The following VPS13B variants were observed in gnomAD, a reference collection of about 807,000 sequenced individuals.
VPS13B encodes vacuolar protein sorting 13 homolog B, also known as intermembrane lipid transfer protein VPS13B.
Under a neutral mutation model 426.4 loss-of-function variants are expected in VPS13B, and 285 were observed. That is an observed-to-expected ratio of 0.67 (90% confidence interval 0.61 to 0.74). The LOEUF is 0.74. VPS13B is among the 30% of genes least tolerant of loss of function. The pLI, the probability that VPS13B is intolerant of heterozygous loss-of-function variation, is 0.00. For missense variants in VPS13B, 4,537 were observed against 4,782.6 expected (o/e 0.95, Z 1.51); for synonymous variants, 1,676 against 1,676.4 (o/e 1.00, Z 0.01).
In VPS13B at chr8:99,819,551, A is replaced by G. The variant is rs1186055300; in HGVS notation, c.8761A>G (p.Ile2921Val). The change falls in exon 48 of 62, where the codon ATA becomes GTA. Residue 2921 changes from isoleucine to valine, a missense_variant. By Grantham distance (29) the Ile-to-Val change is conservative (BLOSUM62 3). Coordinates refer to ENST00000357162, the MANE Select transcript of VPS13B (RefSeq NM_152564.5). ...FYGPEKSLQP[I>V]WPYNKKDSDR... ...TGGGCCAGAAAAGTCGCTTCAACCC[A>G]TATGGCCCTATAATAAGAAGGATTC... 4 of 1,613,634 alleles carry G rather than the reference A, an allele frequency of 2.5e-6. No individual in the cohort carries two copies. Among genetic ancestry groups the G allele is most frequent in the Middle Eastern group, 1.6e-4 (1 of 6,078 alleles).
chr8:99,179,920 T>G (rs745622056), intron 16 of VPS13B, among the ~76,000 whole-genome samples: 4 of 152,170 alleles, frequency 2.6e-5, no homozygotes, highest in Non-Finnish European at 4.4e-5. Context: ...ACATTATACA[T>G]GCAAAACTTA....
chr8:99,286,335 G>A (rs1051175783), intron 19 of VPS13B, among the ~76,000 whole-genome samples: 4 of 152,186 alleles, frequency 2.6e-5, no homozygotes, highest in Non-Finnish European at 5.9e-5. Flanking sequence ...ATTTTTAAAT[G>A]TAAAATCATA....
intron 17 of VPS13B, among the ~76,000 whole-genome samples, chr8:99,264,003 T>C (rs1164929816): frequency 6.6e-6 from 1 of 152,206 alleles, no homozygotes; most frequent in Non-Finnish European, 1.5e-5. Context: ...AGTTAGAATA[T>C]GCTACCAATT....
intron 19 of VPS13B, among the ~76,000 whole-genome samples, chr8:99,350,551 G>A (rs539567879): frequency 6.6e-6 from 1 of 152,280 alleles, no homozygotes; most frequent in South Asian, 2.1e-4. Flanking sequence ...TCAGGATTTA[G>A]TGATGCTGTT....
chr8:99,374,465 T>A (rs1007854939), intron 19 of VPS13B, among the ~76,000 whole-genome samples: 3 of 152,160 alleles, frequency 2.0e-5, no homozygotes, highest in Non-Finnish European at 2.9e-5. Context: ...TTATTAGAGT[T>A]GTTTTAAAGT....
chr8:99,202,015 C>T (rs1221509412), intron 17 of VPS13B, among the ~76,000 whole-genome samples: 1 of 152,144 alleles, frequency 6.6e-6, no homozygotes, highest in Non-Finnish European at 1.5e-5. Context: ...TGGGCTTAAT[C>T]TGTTGTTCTT....
intron 33 of VPS13B, among the ~76,000 whole-genome samples, chr8:99,635,826 T>G (rs2133919602): frequency 6.6e-6 from 1 of 152,130 alleles, no homozygotes; most frequent in South Asian, 2.1e-4. Flanking sequence ...ATTAGTTTAA[T>G]GCATTCCTTG....
intron 29 of VPS13B, among the ~76,000 whole-genome samples, chr8:99,513,894 G>A (rs1821920273): frequency 6.6e-6 from 1 of 152,126 alleles, no homozygotes; most frequent in African/African-American, 2.4e-5. Context: ...TTCTGAGTCA[G>A]ACATAGCGGC....
intron 30 of VPS13B, among the ~76,000 whole-genome samples, chr8:99,551,407 T>C (rs1824276793): frequency 6.6e-6 from 1 of 152,030 alleles, no homozygotes; most frequent in African/African-American, 2.4e-5. Flanking sequence ...AAAAACAGAA[T>C]ATTGATTGAT....
intron 5 of VPS13B, among the ~76,000 whole-genome samples, chr8:99,109,685 G>T (rs978591548): frequency 3.3e-5 from 5 of 152,094 alleles, no homozygotes; most frequent in Non-Finnish European, 7.4e-5. Flanking sequence ...GGCCTGAATA[G>T]CTTACATTCT....
chr8:99,036,643 A>G (rs1292983247), intron 2 of VPS13B, among the ~76,000 whole-genome samples: 1 of 152,092 alleles, frequency 6.6e-6, no homozygotes, highest in Non-Finnish European at 1.5e-5. Context: ...TAGCATTCTG[A>G]TGATACTAAG....
intron 33 of VPS13B, among the ~76,000 whole-genome samples, chr8:99,584,699 G>A (rs980027412): frequency 2.0e-5 from 3 of 152,186 alleles, no homozygotes; most frequent in African/African-American, 7.2e-5. Context: ...GGAAGAAAGA[G>A]AAGGCTTTAG....
chr8:99,143,260 G>A, intron 13 of VPS13B, 95 bp downstream of exon 13: 1 of 1,531,424 alleles, frequency 6.5e-7, no homozygotes, highest in Non-Finnish European at 9.0e-7. Flanking sequence ...TACGTTTTTA[G>A]TGTAATTTGC....
chr8:99,400,376 T>C (rs1465042942), intron 21 of VPS13B, among the ~76,000 whole-genome samples: 1 of 152,216 alleles, frequency 6.6e-6, no homozygotes, highest in Non-Finnish European at 1.5e-5. Flanking sequence ...CGTTACTGAA[T>C]ACTAAGAAGG....
chr8:99,354,327 T>A, intron 19 of VPS13B, among the ~76,000 whole-genome samples: 1 of 135,174 alleles, frequency 7.4e-6, no homozygotes, highest in African/African-American at 2.9e-5. Context: ...GTCTGTGCTT[T>A]CTAAACAATA....
rs571827610 is a variant in VPS13B at position 99,476,217 on chromosome 8, T to G, written c.3667-5382T>G. 1.8e-3 allele frequency among the ~76,000 whole-genome samples: 278 copies of G among 152,316 alleles called. 2 individuals are homozygous for G. Among genetic ancestry groups the G allele is most frequent in the Non-Finnish European group, 3.5e-4 (24 of 68,018 alleles). ...ATGTGAAACCACAAAATAACAGCAC[T>G]GAAGAATCTATATAAACTAAAAGAC... On this transcript the variant is annotated intron_variant, in intron 24 of 61. Coordinates refer to ENST00000357162, the MANE Select transcript of VPS13B (RefSeq NM_152564.5).
intron 33 of VPS13B, among the ~76,000 whole-genome samples, chr8:99,612,709 G>A (rs1403588079): frequency 6.6e-6 from 1 of 152,100 alleles, no homozygotes. Context: ...GTTTGGAAAT[G>A]TTTTAGAACG....
intron 3 of VPS13B, among the ~76,000 whole-genome samples, chr8:99,054,371 G>A (rs1167909580): frequency 6.6e-6 from 1 of 152,120 alleles, no homozygotes; most frequent in Non-Finnish European, 1.5e-5. Flanking sequence ...ATCTTAATGG[G>A]TTTGCAATCT....
intron 25 of VPS13B, among the ~76,000 whole-genome samples, chr8:99,490,738 G>A (rs558462092): frequency 3.9e-5 from 6 of 152,102 alleles, no homozygotes; most frequent in Admixed American, 2.0e-4. Context: ...CTCTGGGATC[G>A]GTGGTGATAT....
Sources: gnomAD v4.1 joint callset for allele counts (sites outside exome capture counted in the v4.1 genomes callset) on GRCh38, gnomAD v4.1.1 for gene constraint, MANE v1.5 for transcripts, NCBI Gene and HGNC (gene_info 2026-07-23, HGNC 2026-07-21) for gene names.